Variants in NME7 observed in about 807,000 individuals in gnomAD.
NME7 encodes the protein NME/NM23 family member 7.
NME7 carries 41 observed loss-of-function variants against 49.1 expected under a neutral mutation model. The ratio of observed to expected loss-of-function variants is 0.83; its 90% CI spans 0.65 to 1.08. The LOEUF (loss-of-function observed/expected upper bound fraction) is 1.08. NME7 is among the 50% of genes least tolerant of loss of function. NME7 has a pLI of 0.00. For synonymous variants in NME7, 139 were observed against 150.6 expected (o/e 0.92, Z 0.56); for missense variants, 423 against 463.4 (o/e 0.91, Z 0.80).
chr1:169,307,837 T>C (rs1011502578), intron 4 of NME7, among the ~76,000 whole-genome samples: 2 of 152,078 alleles, frequency 1.3e-5, no homozygotes, highest in South Asian at 4.1e-4. Flanking sequence ...TTGGCCAACA[T>C]GGCGAAACTC....
At chr1:169,333,388 G>A (rs1401217204) in intron 1 of NME7, among the ~76,000 whole-genome samples, 2 of 152,148 alleles carry the variant, frequency 1.3e-5, no homozygotes, top group South Asian at 2.1e-4. Flanking sequence ...GAATGACTAA[G>A]ACCTAATATT....
In NME7 at chr1:169,183,539, C is replaced by T. The variant is rs542410008; in HGVS notation, c.991-13985G>A. On this transcript the variant is annotated intron_variant, in intron 10 of 11. Transcript: ENST00000367811. ...AGCCCTGGCCGGGCACAGTGGCTCA[C>T]GCCTGTAATCCCAGCACTTTGGGAG... Among the ~76,000 whole-genome samples the T allele has an allele frequency of 2.0e-3, 298 of 152,284 alleles. 2 individuals are homozygous for T. Among genetic ancestry groups the T allele is most frequent in the Middle Eastern group, 6.8e-3 (2 of 294 alleles).
chr1:169,135,891 GGCAT>G (rs1429110065), intron 11 of NME7, among the ~76,000 whole-genome samples: 51 of 151,936 alleles, frequency 3.4e-4, no homozygotes, highest in Non-Finnish European at 5.4e-4. Flanking sequence ...TAGTCACAAA[GGCAT>G]CCTAGACCCT....
rs891343217 is a variant in NME7 at position 169,194,593 on chromosome 1, A to C, written c.991-25039T>G. Among the ~76,000 whole-genome samples, 31 of 152,296 alleles carry C rather than the reference A, an allele frequency of 2.0e-4. 1 individual carries two copies. Among genetic ancestry groups the C allele is most frequent in the African/African-American group, 7.0e-4 (29 of 41,564 alleles). On this transcript the variant is annotated intron_variant, in intron 10 of 11. Coordinates refer to ENST00000367811, the MANE Select transcript of NME7 (RefSeq NM_013330.5). ...TTTCCTCAGTCCTTTTGTGACTATA[A>C]AACCAACTGCTCAGCTTATTGGGGC...
chr1:169,166,714 A>T (rs1050193319), intron 11 of NME7, among the ~76,000 whole-genome samples: 4 of 152,210 alleles, frequency 2.6e-5, no homozygotes, highest in Non-Finnish European at 2.9e-5. Context: ...GTGGTGGCTC[A>T]TGCCTGTAAT....
At chr1:169,330,757 T>C (rs1331041871) in intron 1 of NME7, among the ~76,000 whole-genome samples, 1 of 152,120 alleles carries the variant, frequency 6.6e-6, no homozygotes, top group Non-Finnish European at 1.5e-5. Context: ...TACAAGCAAC[T>C]ATATGCCAAT....
chr1:169,151,583 A>T (rs988658240), intron 11 of NME7, among the ~76,000 whole-genome samples: 18 of 152,090 alleles, frequency 1.2e-4, no homozygotes, highest in Admixed American at 7.2e-4. Context: ...AGTCCCCCCC[A>T]GGCTGTCCAG....
intron 10 of NME7, among the ~76,000 whole-genome samples, chr1:169,170,060 A>T (rs183271283): frequency 3.0e-4 from 45 of 152,304 alleles, no homozygotes; most frequent in Non-Finnish European, 6.3e-4. Flanking sequence ...GGGGATAAAG[A>T]GGTAATTGAC....
At chr1:169,358,748 TG>T (rs1465391324) in intron 1 of NME7, among the ~76,000 whole-genome samples, 2 of 152,078 alleles carry the variant, frequency 1.3e-5, no homozygotes, top group Admixed American at 1.3e-4. Flanking sequence ...GTTAGACATA[TG>T]TATGTAATGT....
intron 7 of NME7, among the ~76,000 whole-genome samples, chr1:169,282,604 C>G (rs1343536216): frequency 2.0e-5 from 3 of 152,176 alleles, no homozygotes; most frequent in South Asian, 4.1e-4. Flanking sequence ...AATTTTCCAT[C>G]TAAAGACTAC....
intron 10 of NME7, among the ~76,000 whole-genome samples, chr1:169,192,633 C>T (rs1660266519): frequency 6.6e-6 from 1 of 152,074 alleles, no homozygotes; most frequent in Admixed American, 6.5e-5. Flanking sequence ...TAATACTCAA[C>T]CCTCCTTTGC....
At chr1:169,147,926 G>A (rs965352604) in intron 11 of NME7, among the ~76,000 whole-genome samples, 5 of 152,146 alleles carry the variant, frequency 3.3e-5, no homozygotes, top group African/African-American at 1.2e-4. Context: ...TTATCTCACA[G>A]AAAATTGCTC....
intron 1 of NME7, among the ~76,000 whole-genome samples, chr1:169,360,552 T>C (rs11810815): frequency 0.043 from 6,579 of 152,266 alleles, 209 homozygotes; most frequent in East Asian, 0.12. Flanking sequence ...AGATCTCTTC[T>C]CCTCCAGCTG....
At chr1:169,312,608 G>C (rs913066595) in intron 3 of NME7, among the ~76,000 whole-genome samples, 1 of 152,176 alleles carries the variant, frequency 6.6e-6, no homozygotes, top group Non-Finnish European at 1.5e-5. Flanking sequence ...CCAGAATATA[G>C]ATTTCCAGAA....
rs560569105 is a variant in NME7, at chr1:169,244,584, C to T, written c.755-6897G>A. On this transcript the variant is annotated intron_variant, in intron 7 of 11. Coordinates refer to ENST00000367811, the MANE Select transcript of NME7 (RefSeq NM_013330.5). ...CTGGGAGGCGGAGCTTTCAGTGAGCCGAGATTGCACCACTGCACTCCAGCC... is the reference window on the plus strand; with the variant it reads ...CTGGGAGGCGGAGCTTTCAGTGAGCTGAGATTGCACCACTGCACTCCAGCC... Among the ~76,000 whole-genome samples the T allele has an allele frequency of 1.1e-4, 16 of 139,868 alleles. No homozygotes were observed. In the South Asian group the frequency reaches 2.9e-3, roughly 26 times the overall value. 91.8% of individuals were successfully genotyped at this position (139,868 alleles called of 152,430 possible).
intron 11 of NME7, among the ~76,000 whole-genome samples, chr1:169,159,361 C>T (rs1454749594): frequency 6.6e-6 from 1 of 152,096 alleles, no homozygotes. Flanking sequence ...GTCCCACATG[C>T]CTACCTTCAG....
Position 169,267,593 on chromosome 1 carries a change from T to G in NME7, c.754+19710A>C, listed in dbSNP as rs1476318493. On this transcript the variant is annotated intron_variant, in intron 7 of 11. Coordinates refer to ENST00000367811, the MANE Select transcript of NME7 (RefSeq NM_013330.5). ...AGACACACAGACCAATGGAGCAGGA[T>G]AGAGAGCCCAGATATAAACCCACAC... Among the ~76,000 whole-genome samples the G allele has an allele frequency of 1.5e-5, 2 of 132,388 alleles. 1 individual carries two copies. The highest frequency in any genetic ancestry group is 3.5e-5 in the Non-Finnish European group (2 of 56,376). The allele number at this position is 132,388 out of a possible 152,430, so 86.9% of individuals were successfully genotyped here.
At chr1:169,183,935 T>C (rs1424921543) in intron 10 of NME7, among the ~76,000 whole-genome samples, 3 of 152,200 alleles carry the variant, frequency 2.0e-5, no homozygotes, top group South Asian at 4.1e-4. Context: ...TGAAAGTATA[T>C]TGTTTTTACT....
At chr1:169,328,385 C>T (rs144869365) in intron 1 of NME7, among the ~76,000 whole-genome samples, 6 of 152,260 alleles carry the variant, frequency 3.9e-5, no homozygotes, top group Non-Finnish European at 7.3e-5. Context: ...TCTCCCAAAG[C>T]GATGATGGTG....
Sources: gnomAD v4.1 joint callset for allele counts (sites outside exome capture counted in the v4.1 genomes callset) on GRCh38, gnomAD v4.1.1 for gene constraint, MANE v1.5 for transcripts, NCBI Gene and HGNC (gene_info 2026-07-23, HGNC 2026-07-21) for gene names.